The following UGT2A3 variants were observed in gnomAD, a reference collection of about 807,000 sequenced individuals.
UGT2A3 encodes UDP glucuronosyltransferase family 2 member A3.
Under a neutral mutation model 44.1 loss-of-function variants are expected in UGT2A3, and 55 were observed. The ratio of observed to expected loss-of-function variants is 1.25; its 90% CI spans 1.00 to 1.56. UGT2A3 has a LOEUF of 1.56. Ranked by LOEUF, UGT2A3 falls within the 40% of genes most tolerant of loss-of-function variation. The pLI is 0.00. For synonymous variants in UGT2A3, 243 were observed against 215.1 expected (o/e 1.13, Z -1.13); for missense variants, 733 against 621.6 (o/e 1.18, Z -1.91).
At position 68,951,370 on chromosome 4, in the gene UGT2A3, T is replaced by G. The variant is rs1419281344; in HGVS notation, c.391A>C (p.Asn131His). The G allele has an allele frequency of 6.2e-7, 1 of 1,612,692 alleles. No homozygotes were observed. Among genetic ancestry groups the G allele is most frequent in the East Asian group, 2.2e-5 (1 of 44,704 alleles). The part of the protein sequence containing the change: ...LKMMCESFIY[N>H]QTLMKKLQET... ...TGTAGCTTCTTCATAAGCGTCTGAT[T>G]GTAGATAAAGCTCTCACACATCATT... The change falls in exon 1 of 6, where the codon AAT (asparagine) becomes CAT (histidine). Residue 131 changes from asparagine to histidine, a missense_variant. Asn to His is a moderately conservative substitution (Grantham distance 68). Transcript: ENST00000251566.
intron 2 of UGT2A3, chr4:68,943,186 A>G (rs1277099177): frequency 2.5e-5 from 11 of 439,688 alleles, no homozygotes; most frequent in African/African-American, 1.1e-4. Flanking sequence ...GACTTCTATG[A>G]TTATTTCTAT....
intron 2 of UGT2A3, among the ~76,000 whole-genome samples, chr4:68,936,161 T>C (rs888538303): frequency 6.6e-6 from 1 of 152,124 alleles, no homozygotes; most frequent in Non-Finnish European, 1.5e-5. Flanking sequence ...CCAGGAGAAC[T>C]TTCCCAACCT....
At chr4:68,943,665 T>C (rs1718276691) in intron 2 of UGT2A3, among the ~76,000 whole-genome samples, 1 of 151,744 alleles carries the variant, frequency 6.6e-6, no homozygotes. Flanking sequence ...CAGAAGCAGG[T>C]CTTAGTCAAC....
intron 2 of UGT2A3, among the ~76,000 whole-genome samples, chr4:68,936,451 C>T (rs1717955289): frequency 6.6e-6 from 1 of 152,032 alleles, no homozygotes; most frequent in Non-Finnish European, 1.5e-5. Context: ...ATCAGATATG[C>T]AGCCAAATTA....
At chr4:68,937,384 A>G (rs985457935) in intron 2 of UGT2A3, among the ~76,000 whole-genome samples, 2 of 152,168 alleles carry the variant, frequency 1.3e-5, no homozygotes, top group Admixed American at 6.6e-5. Context: ...GTGTAATCAA[A>G]TTAGAACTCA....
rs1336078073 is a variant in UGT2A3 at position 68,951,056 on chromosome 4, A to G, written c.705T>C (p.Ser235=). The part of the protein sequence containing the change: ...YDYHFWEEFY[S]KALGRPTTLC... ...ACAAAAGTGTCTTACCTAATGCCTTACTATAAAACTCTTCCCAAAAATGAT... is the reference window on the plus strand; with the variant it reads ...ACAAAAGTGTCTTACCTAATGCCTTGCTATAAAACTCTTCCCAAAAATGAT... The change falls in exon 1 of 6, where the codon AGT becomes AGC. Residue 235 remains serine, a synonymous_variant. Coordinates refer to ENST00000251566, the MANE Select transcript of UGT2A3 (RefSeq NM_024743.4). The G allele has an allele frequency of 6.4e-7, 1 of 1,564,892 alleles. No individual in the cohort carries two copies. Among genetic ancestry groups the G allele is most frequent in the Non-Finnish European group, 8.6e-7 (1 of 1,160,236 alleles).
chr4:68,947,365 C>G (rs966569881), intron 1 of UGT2A3, among the ~76,000 whole-genome samples: 22 of 151,804 alleles, frequency 1.4e-4, no homozygotes, highest in African/African-American at 5.1e-4. Flanking sequence ...ACCGGTTTTA[C>G]AGGTTTTAGT....
At chr4:68,943,121 A>C (rs1165718740) in intron 2 of UGT2A3, among the ~76,000 whole-genome samples, 2 of 151,810 alleles carry the variant, frequency 1.3e-5, no homozygotes, top group Non-Finnish European at 2.9e-5. Flanking sequence ...TTATCAGCAC[A>C]AAAGCTTTTA....
At chr4:68,944,719 C>T (rs766554528) in intron 2 of UGT2A3, among the ~76,000 whole-genome samples, 5 of 151,700 alleles carry the variant, frequency 3.3e-5, no homozygotes, top group East Asian at 1.9e-4. Context: ...AACATTCTCA[C>T]GAGCTCAAAG....
intron 3 of UGT2A3, 140 bp from the exon 4 acceptor site, chr4:68,931,382 G>C: frequency 5.4e-6 from 3 of 558,012 alleles, no homozygotes; most frequent in Non-Finnish European, 9.1e-6. Context: ...ACCGCGTAAA[G>C]ACTGAAAGAT....
chr4:68,949,503 G>A lies in UGT2A3; in HGVS notation c.715+1543C>T, dbSNP rs144446381. On this transcript the variant is annotated intron_variant, in intron 1 of 5. Transcript: ENST00000251566. ...CAAGGAACACTGATCCCAGATCACC[G>A]TAACAGATATAACAATGAAAAATTT... is the stretch of plus-strand genomic sequence containing the variant. Among the ~76,000 whole-genome samples, 17 of 151,958 alleles carry A rather than the reference G, an allele frequency of 1.1e-4. No individual in the cohort carries two copies. In the East Asian group the frequency reaches 2.5e-3, roughly 23 times the overall value.
intron 1 of UGT2A3, among the ~76,000 whole-genome samples, chr4:68,950,195 T>A (rs1419221438): frequency 1.3e-5 from 2 of 151,880 alleles, no homozygotes; most frequent in African/African-American, 4.8e-5. Context: ...GCTTACTGAA[T>A]GGAAAATTAT....
chr4:68,939,261 A>G (rs1718089607), intron 2 of UGT2A3, among the ~76,000 whole-genome samples: 1 of 152,160 alleles, frequency 6.6e-6, no homozygotes, highest in South Asian at 2.1e-4. Flanking sequence ...AGCAAAAAGA[A>G]CAAAGCTGGA....
intron 1 of UGT2A3, among the ~76,000 whole-genome samples, chr4:68,948,435 TTTTC>T (rs1367411693): frequency 1.2e-5 from 1 of 80,076 alleles, no homozygotes; most frequent in Non-Finnish European, 3.3e-5. Context: ...CTTTTCTTTT[TTTTC>T]TTTTTTTTTT....
At chr4:68,936,460 T>A (rs1044667082) in intron 2 of UGT2A3, among the ~76,000 whole-genome samples, 2 of 152,026 alleles carry the variant, frequency 1.3e-5, no homozygotes, top group African/African-American at 4.8e-5. Context: ...GCAGCCAAAT[T>A]AAGTTTCATA....
chr4:68,943,036 T>C (rs918512656), intron 2 of UGT2A3, among the ~76,000 whole-genome samples: 1 of 151,834 alleles, frequency 6.6e-6, no homozygotes, highest in Non-Finnish European at 1.5e-5. Flanking sequence ...AATTATTACA[T>C]GTCAAATTTA....
chr4:68,943,963 C>T (rs1294408021), intron 2 of UGT2A3, among the ~76,000 whole-genome samples: 1 of 151,840 alleles, frequency 6.6e-6, no homozygotes, highest in Admixed American at 6.6e-5. Flanking sequence ...CATTTTGGCA[C>T]ATAGATCCCT....
Position 68,951,659 on chromosome 4 carries a change from G to T in UGT2A3, c.102C>A (p.Ser34Arg). 1 of 1,612,292 alleles carries T rather than the reference G, an allele frequency of 6.2e-7. No individual in the cohort carries two copies. Among genetic ancestry groups the T allele is most frequent in the Non-Finnish European group, 8.5e-7 (1 of 1,179,352 alleles). ...GKVLVWPCDM[S>R]HWLNVKVILE... ...GAATGACCTTGACATTAAGCCAATG[G>T]CTCATGTCACAGGGCCACACCAGGA... Residue 34 changes from serine to arginine, a missense_variant, in exon 1 of 6, where the codon AGC becomes AGA. Physicochemically the swap from Ser to Arg is moderately radical, Grantham distance 110. Coordinates refer to ENST00000251566, the MANE Select transcript of UGT2A3 (RefSeq NM_024743.4).
chr4:68,951,103 A>G lies in UGT2A3; in HGVS notation c.658T>C (p.Phe220Leu). ...KNSMLSVLFH[F>L]WIQDYDYHFW... ...TGATAGTCGTAATCCTGAATCCAGA[A>G]GTGGAACAAAACTGAAAGCATTGAA... The change falls in exon 1 of 6, where the codon TTC becomes CTC. Residue 220 changes from phenylalanine (F) to leucine (L), a missense_variant. Phe to Leu is a conservative substitution (Grantham distance 22, BLOSUM62 0). Coordinates refer to ENST00000251566, the MANE Select transcript of UGT2A3 (RefSeq NM_024743.4). The G allele has an allele frequency of 6.2e-7, 1 of 1,610,702 alleles. No homozygotes were observed. Among genetic ancestry groups the G allele is most frequent in the East Asian group, 2.2e-5 (1 of 44,634 alleles).
Sources: gnomAD v4.1 joint callset for allele counts (sites outside exome capture counted in the v4.1 genomes callset) on GRCh38, gnomAD v4.1.1 for gene constraint, MANE v1.5 for transcripts, NCBI Gene and HGNC (gene_info 2026-07-23, HGNC 2026-07-21) for gene names.